Variants in R3HDM1 observed in about 807,000 individuals in gnomAD.
The protein encoded by R3HDM1 is R3H domain-containing protein 1.
Under a neutral mutation model 141.1 loss-of-function variants are expected in R3HDM1, and 46 were observed. The observed-to-expected ratio is 0.33, with a 90% confidence interval of 0.26 to 0.42. R3HDM1 has a LOEUF of 0.42. Among genes scored for constraint, R3HDM1 ranks in the 10% least tolerant of loss-of-function variants. The probability of loss-of-function intolerance (pLI) is 1.00; values close to 1 mark genes in which losing one functional copy is unlikely to be tolerated. For synonymous variants in R3HDM1, 435 were observed against 472.9 expected (o/e 0.92, Z 1.04); for missense variants, 1,184 against 1,368.3 (o/e 0.87, Z 2.12).
chr2:135,534,908 TAAAG>T (rs1158048091), intron 1 of R3HDM1, among the ~76,000 whole-genome samples: 12 of 152,208 alleles, frequency 7.9e-5, no homozygotes, highest in African/African-American at 2.9e-4. Flanking sequence ...TTCTCAGAAA[TAAAG>T]TAGTGAAAAT....
intron 21 of R3HDM1, among the ~76,000 whole-genome samples, chr2:135,684,153 C>T (rs1419852491): frequency 3.9e-5 from 6 of 151,906 alleles, no homozygotes; most frequent in Non-Finnish European, 7.4e-5. Context: ...TGCAGTGGCA[C>T]GAACTCAGCT....
intron 1 of R3HDM1, among the ~76,000 whole-genome samples, chr2:135,600,588 C>T (rs2059547876): frequency 6.6e-6 from 1 of 152,118 alleles, no homozygotes; most frequent in East Asian, 1.9e-4. Context: ...AGTTATTTAC[C>T]GAAAATATAA....
chr2:135,664,616 A>G (rs1436029444), intron 19 of R3HDM1, among the ~76,000 whole-genome samples: 1 of 152,212 alleles, frequency 6.6e-6, no homozygotes, highest in African/African-American at 2.4e-5. Flanking sequence ...GAAATATCTC[A>G]AGGATAAAAT....
chr2:135,562,748 A>G (rs1189832346), intron 1 of R3HDM1, among the ~76,000 whole-genome samples: 1 of 152,220 alleles, frequency 6.6e-6, no homozygotes, highest in Non-Finnish European at 1.5e-5. Context: ...TTTATCAGGT[A>G]TCTTTTTAAA....
At chr2:135,693,732 G>A (rs1351158880) in intron 21 of R3HDM1, among the ~76,000 whole-genome samples, 1 of 152,202 alleles carries the variant, frequency 6.6e-6, no homozygotes, top group Non-Finnish European at 1.5e-5. Context: ...CTTAGGCCAG[G>A]TGCAGTGACT....
intron 7 of R3HDM1, among the ~76,000 whole-genome samples, chr2:135,625,396 G>A (rs886167267): frequency 1.3e-5 from 2 of 152,072 alleles, no homozygotes; most frequent in African/African-American, 4.8e-5. Flanking sequence ...AGTGAGCCGA[G>A]ATCACGCCAT....
At chr2:135,537,340 C>T (rs954544311) in intron 1 of R3HDM1, among the ~76,000 whole-genome samples, 1 of 123,784 alleles carries the variant, frequency 8.1e-6, no homozygotes, top group Non-Finnish European at 1.6e-5. Context: ...GGCTGGAGTG[C>T]AGTGGCGCAA....
chr2:135,547,883 C>T (rs1012167537), intron 1 of R3HDM1, among the ~76,000 whole-genome samples: 15 of 150,718 alleles, frequency 1.0e-4, no homozygotes, highest in Admixed American at 7.3e-4. Context: ...AAGTGATTCT[C>T]CTGCCTCAGC....
chr2:135,573,296 A>G (rs987415438), intron 1 of R3HDM1, among the ~76,000 whole-genome samples: 2 of 152,176 alleles, frequency 1.3e-5, no homozygotes, highest in Non-Finnish European at 2.9e-5. Flanking sequence ...TCTATACAGA[A>G]TTTGAAGACA....
rs1215308925 is a variant in R3HDM1, at chr2:135,622,748, A to AT, written c.497+17dup. On this transcript the variant is annotated intron_variant, in intron 7 of 26. Coordinates refer to ENST00000683871, the MANE Select transcript of R3HDM1 (RefSeq NM_001378107.1). ...ACAATCCCAGGTAAAAATTAAATTT[A>AT]TAAGGTTTCCATTGCTTCTAGAGTA... is the stretch of plus-strand genomic sequence containing the variant. 6.4e-7 allele frequency: 1 copy of AT among 1,554,428 alleles called. No individual in the cohort carries two copies. Among genetic ancestry groups the AT allele is most frequent in the Non-Finnish European group, 8.8e-7 (1 of 1,142,446 alleles).
intron 1 of R3HDM1, among the ~76,000 whole-genome samples, chr2:135,564,260 G>T (rs1702320544): frequency 6.6e-6 from 1 of 152,190 alleles, no homozygotes; most frequent in Admixed American, 6.5e-5. Flanking sequence ...TTAGAAATGA[G>T]ATAAATGAAA....
chr2:135,661,070 T>C (rs2066639437), intron 18 of R3HDM1, among the ~76,000 whole-genome samples, 200 bp from the exon 19 acceptor site: 1 of 151,924 alleles, frequency 6.6e-6, no homozygotes, highest in South Asian at 2.1e-4. Context: ...AATCTAAATA[T>C]GATTGATGAC....
At chr2:135,564,245 T>A (rs908874877) in intron 1 of R3HDM1, among the ~76,000 whole-genome samples, 1 of 152,256 alleles carries the variant, frequency 6.6e-6, no homozygotes, top group Non-Finnish European at 1.5e-5. Context: ...TGTGTAATAT[T>A]GTACTTAGAA....
At chr2:135,672,490 C>T (rs188146709) in intron 19 of R3HDM1, among the ~76,000 whole-genome samples, 2 of 152,226 alleles carry the variant, frequency 1.3e-5, no homozygotes, top group African/African-American at 4.8e-5. Context: ...TTATAAATAT[C>T]AGTCAGGACT....
intron 21 of R3HDM1, among the ~76,000 whole-genome samples, chr2:135,693,367 A>G (rs1225942306): frequency 1.3e-5 from 2 of 152,202 alleles, no homozygotes; most frequent in African/African-American, 4.8e-5. Context: ...CCAGCAAAAA[A>G]AAAAGACAAA....
chr2:135,700,585 T>C (rs2105408293), intron 21 of R3HDM1, among the ~76,000 whole-genome samples: 1 of 152,358 alleles, frequency 6.6e-6, no homozygotes, highest in Non-Finnish European at 1.5e-5. Flanking sequence ...TGTTCATAAA[T>C]TTTCAAAGAC....
chr2:135,640,737 A>G (rs1195914288), intron 14 of R3HDM1, among the ~76,000 whole-genome samples: 2 of 152,210 alleles, frequency 1.3e-5, no homozygotes, highest in African/African-American at 4.8e-5. Context: ...AATTAACTAT[A>G]TACATAAGAT....
intron 2 of R3HDM1, among the ~76,000 whole-genome samples, chr2:135,603,509 C>A (rs2059793996): frequency 6.6e-6 from 1 of 152,208 alleles, no homozygotes; most frequent in Admixed American, 6.5e-5. Flanking sequence ...TTGCTATAAC[C>A]TATATCTGTC....
intron 24 of R3HDM1, among the ~76,000 whole-genome samples, chr2:135,717,227 T>G (rs1341699181): frequency 1.3e-5 from 2 of 152,142 alleles, no homozygotes; most frequent in Non-Finnish European, 2.9e-5. Context: ...CTCACGCCTG[T>G]AATCTCAGCA....
Sources: allele counts gnomAD v4.1 joint callset (sites outside exome capture counted in the v4.1 genomes callset), GRCh38; gene constraint gnomAD v4.1.1; transcripts MANE v1.5; gene names NCBI Gene and HGNC (gene_info 2026-07-23, HGNC 2026-07-21).